Variants in IL20RB observed in about 807,000 individuals in gnomAD.
IL20RB encodes the protein interleukin 20 receptor subunit beta, also known as interleukin-20 receptor subunit beta.
A neutral mutation model predicts 33.3 loss-of-function variants in IL20RB; 21 were observed. That is an observed-to-expected ratio of 0.63 (90% confidence interval 0.45 to 0.91). The LOEUF is 0.91. IL20RB is among the 40% of genes least tolerant of loss of function. The pLI is 0.00. For synonymous variants in IL20RB, 147 were observed against 146.8 expected, an observed-to-expected ratio of 1.00 and a Z score of -0.01; for missense variants, 345 against 384.8, an observed-to-expected ratio of 0.90 and a Z score of 0.86.
rs544873357 is a variant in IL20RB at position 137,010,160 on chromosome 3, G to A, written c.873G>A (p.Glu291=). 8.1e-6 allele frequency: 13 copies of A among 1,610,308 alleles called. No homozygotes were observed. The highest frequency in any genetic ancestry group is 6.6e-5 in the South Asian group (6 of 91,012). The part of the protein sequence containing the change: ...PQKLISCRRE[E]VDACATAVMS... The stretch of plus-strand genomic sequence containing the variant: ...AGTTAATCAGCTGCAGAAGGGAGGA[G>A]GTGGATGCCTGTGCCACGGCTGTGA... The change falls in exon 7 of 7, where the codon GAG becomes GAA. Residue 291 remains glutamate, a synonymous_variant. Coordinates refer to ENST00000329582, the MANE Select transcript of IL20RB (RefSeq NM_144717.4).
intron 3 of IL20RB, among the ~76,000 whole-genome samples, chr3:136,987,770 CG>C (rs1188118326): frequency 2.0e-5 from 3 of 152,218 alleles, no homozygotes; most frequent in African/African-American, 7.2e-5. Context: ...AAATCTAGCA[CG>C]GCGCCGGTGG....
chr3:136,971,423 G>A (rs577167270), intron 1 of IL20RB, among the ~76,000 whole-genome samples: 11 of 152,192 alleles, frequency 7.2e-5, no homozygotes, highest in South Asian at 6.2e-4. Context: ...GAGCCACCGC[G>A]CCCGGCCACT....
At chr3:136,958,574 A>G (rs1200579872) in intron 1 of IL20RB, among the ~76,000 whole-genome samples, 2 of 152,224 alleles carry the variant, frequency 1.3e-5, no homozygotes, top group African/African-American at 4.8e-5. Flanking sequence ...TAAAACAAAG[A>G]TTCTAGCAAA....
At chr3:136,993,324 T>C (rs1942067563) in intron 5 of IL20RB, among the ~76,000 whole-genome samples, 1 of 152,204 alleles carries the variant, frequency 6.6e-6, no homozygotes, top group African/African-American at 2.4e-5. Context: ...CTCACACACA[T>C]AGATGGGATG....
chr3:136,997,567 C>T (rs1424638664), intron 6 of IL20RB, among the ~76,000 whole-genome samples: 1 of 148,378 alleles, frequency 6.7e-6, no homozygotes, highest in African/African-American at 2.5e-5. Context: ...AGTGTGATAT[C>T]AGTATATCTT....
intron 6 of IL20RB, among the ~76,000 whole-genome samples, chr3:137,000,790 G>A (rs1180968552): frequency 3.3e-5 from 5 of 152,114 alleles, no homozygotes; most frequent in Admixed American, 3.3e-4. Flanking sequence ...TCCATCAGAT[G>A]GTCTTCTGTT....
chr3:136,992,703 A>T (rs1483726318), intron 5 of IL20RB, among the ~76,000 whole-genome samples: 3 of 152,096 alleles, frequency 2.0e-5, no homozygotes, highest in Admixed American at 6.5e-5. Context: ...CTATTTTTTT[A>T]AAAAGACGAA....
At chr3:136,969,886 T>G (rs1256138965) in intron 1 of IL20RB, among the ~76,000 whole-genome samples, 1 of 152,068 alleles carries the variant, frequency 6.6e-6, no homozygotes, top group Admixed American at 6.5e-5. Flanking sequence ...CTTTTATGGA[T>G]TTTGCTTTTG....
chr3:137,004,861 G>T (rs1942321249), intron 6 of IL20RB, among the ~76,000 whole-genome samples: 1 of 151,798 alleles, frequency 6.6e-6, no homozygotes, highest in Non-Finnish European at 1.5e-5. Flanking sequence ...GTGATGTTAG[G>T]GTGTCAATTT....
At chr3:136,970,611 TTTCCTTCCTTCCTTCCTTCCTTCCTTCC>T (rs71134422) in intron 1 of IL20RB, among the ~76,000 whole-genome samples, 36 of 142,032 alleles carry the variant, frequency 2.5e-4, no homozygotes, top group Admixed American at 1.3e-3. Flanking sequence ...GTTATTCTAG[TTTCCTTCCTTCCTTCCTTCCTTCCTTCC>T]TTCCTTCCTT....
At chr3:136,983,342 C>T (rs11715838) in intron 3 of IL20RB, among the ~76,000 whole-genome samples, 17,972 of 152,172 alleles carry the variant, frequency 0.12, 1,131 homozygotes, top group East Asian at 0.2. Flanking sequence ...CCCACTTCGG[C>T]CTCCCAAAGT....
rs2108165769 is a variant in IL20RB at position 136,958,161 on chromosome 3, C to T, written c.48C>T (p.Phe16=). The change falls in exon 1 of 7, where the codon TTC becomes TTT. Residue 16 remains phenylalanine (F), a synonymous_variant. Transcript: ENST00000329582. ...TAGAAGAAATCTGGACAAGTCTTTTCATGTGGTTTTTCTACGCATTGATTC... is the reference window on the plus strand; with the variant it reads ...TAGAAGAAATCTGGACAAGTCTTTTTATGTGGTTTTTCTACGCATTGATTC... ...MVLEEIWTSL[F]MWFFYALIPC... The T allele has an allele frequency of 6.2e-7, 1 of 1,612,100 alleles. No individual in the cohort carries two copies. The highest frequency in any genetic ancestry group is 1.3e-5 in the African/African-American group (1 of 75,002).
chr3:136,974,527 AG>A (rs531090762), intron 1 of IL20RB, among the ~76,000 whole-genome samples: 187 of 152,262 alleles, frequency 1.2e-3, no homozygotes, highest in Middle Eastern at 6.8e-3. Context: ...GGTTTCCATC[AG>A]ACTAGATGCT....
intron 4 of IL20RB, among the ~76,000 whole-genome samples, chr3:136,989,812 C>T (rs1170676630): frequency 6.6e-6 from 1 of 152,164 alleles, no homozygotes; most frequent in Non-Finnish European, 1.5e-5. Context: ...TATGGGGCTG[C>T]CCCCTTACCC....
At chr3:136,986,363 A>G (rs1355220352) in intron 3 of IL20RB, among the ~76,000 whole-genome samples, 2 of 152,228 alleles carry the variant, frequency 1.3e-5, no homozygotes, top group Admixed American at 6.5e-5. Flanking sequence ...AACGCTGTCA[A>G]ACAACTCTTC....
At chr3:137,002,789 C>T (rs760321791) in intron 6 of IL20RB, among the ~76,000 whole-genome samples, 14 of 152,110 alleles carry the variant, frequency 9.2e-5, no homozygotes, top group Non-Finnish European at 1.9e-4. Context: ...TCCCATTTGT[C>T]TATTTTGGCT....
intron 1 of IL20RB, among the ~76,000 whole-genome samples, chr3:136,962,533 C>G (rs1042490193): frequency 2.6e-5 from 4 of 152,116 alleles, no homozygotes; most frequent in African/African-American, 7.2e-5. Context: ...GCAGGTGGAT[C>G]ACGAGGTCAG....
rs372448682 is a variant in IL20RB, at chr3:136,984,477, T to C, written c.406+2127T>C. 7.9e-5 allele frequency among the ~76,000 whole-genome samples: 12 copies of C among 152,204 alleles called. No individual in the cohort carries two copies. In the East Asian group the frequency reaches 1.4e-3, roughly 17 times the overall value. On this transcript the variant is annotated intron_variant, in intron 3 of 6. Transcript: ENST00000329582. ...CAGGAAAGGCAAGATAAGGGTCTTC[T>C]TTGGTCTCTGTTTTCGTGATGTGGC...
intron 3 of IL20RB, among the ~76,000 whole-genome samples, chr3:136,983,343 C>T (rs1165411607): frequency 1.3e-5 from 2 of 152,188 alleles, no homozygotes; most frequent in Admixed American, 6.5e-5. Flanking sequence ...CCACTTCGGC[C>T]TCCCAAAGTG....
Sources: gnomAD v4.1 joint callset for allele counts (sites outside exome capture counted in the v4.1 genomes callset) on GRCh38, gnomAD v4.1.1 for gene constraint, MANE v1.5 for transcripts, NCBI Gene and HGNC (gene_info 2026-07-23, HGNC 2026-07-21) for gene names.